The following BRIP1 variants were observed in gnomAD, a reference collection of about 807,000 sequenced individuals.
BRIP1 encodes the protein Fanconi anemia group J protein.
In BRIP1, 88 loss-of-function variants were observed where a neutral mutation model predicts 119.7. The observed-to-expected ratio is 0.74, with a 90% CI of 0.62 to 0.88. BRIP1 has a LOEUF of 0.88. BRIP1 is among the 40% of genes least tolerant of loss of function. BRIP1 has a pLI of 0.00. For missense variants in BRIP1, 1,259 were observed against 1,455.4 expected, an observed-to-expected ratio of 0.87 and a Z score of 2.20; for synonymous variants, 443 against 496.5, an observed-to-expected ratio of 0.89 and a Z score of 1.43.
chr17:61,811,355 C>T (rs2078158770), intron 6 of BRIP1, among the ~76,000 whole-genome samples: 1 of 151,874 alleles, frequency 6.6e-6, no homozygotes, highest in Non-Finnish European at 1.5e-5. Context: ...TCCCAAGTAG[C>T]TGCGATTACA....
At chr17:61,837,450 C>T (rs2078591646) in intron 6 of BRIP1, among the ~76,000 whole-genome samples, 1 of 151,712 alleles carries the variant, frequency 6.6e-6, no homozygotes, top group Non-Finnish European at 1.5e-5. Flanking sequence ...ACACCAGGCC[C>T]AAGTTATGAA....
chr17:61,772,820 G>GAAAAAAAAAAAAAAAAAA (rs71355193), intron 14 of BRIP1, among the ~76,000 whole-genome samples: 1 of 53,538 alleles, frequency 1.9e-5, no homozygotes, highest in Non-Finnish European at 3.3e-5. Context: ...TTCCATCTCA[G>GAAAAAAAAAAAAAAAAAA]AAAAAAAAAA....
intron 10 of BRIP1, among the ~76,000 whole-genome samples, chr17:61,785,928 T>G (rs200919790): frequency 6.6e-6 from 1 of 151,146 alleles, no homozygotes; most frequent in African/African-American, 2.4e-5. Context: ...GCAGCTGGGT[T>G]GGGGGGGGTA....
At position 61,745,381 on chromosome 17, in the gene BRIP1, A is replaced by T. The variant is rs2144710832; in HGVS notation, c.2098-790T>A. ...AACAAAAACTCATCTTGATTGATTG[A>T]TTGATTTTAGAGACAGGGTCTCTGT... is the stretch of plus-strand genomic sequence containing the variant. On this transcript the variant is annotated intron_variant, in intron 14 of 19. Coordinates refer to ENST00000259008, the MANE Select transcript of BRIP1 (RefSeq NM_032043.3). This position sits in a 1 kb window ranked among gnomAD's most constrained non-coding sequence, Gnocchi z 4.4. Among the ~76,000 whole-genome samples the T allele has an allele frequency of 6.6e-6, 1 of 152,290 alleles. No homozygotes were observed. Among genetic ancestry groups the T allele is most frequent in the Middle Eastern group, 3.4e-3 (1 of 294 alleles).
At position 61,862,690 on chromosome 17, in the gene BRIP1, G is replaced by C. The variant is rs1367177976; in HGVS notation, c.-31+594C>G. On this transcript the variant is annotated intron_variant, in intron 1 of 19. Transcript: ENST00000259008. This position sits in a 1 kb window ranked among gnomAD's most constrained non-coding sequence, Gnocchi z 5.3. Reference sequence around the variant, plus strand: ...AATAGCGGGGGAAATTACATGCACTGTTATTAAATAAGGAATTATTTGCAG... The same window carrying C: ...AATAGCGGGGGAAATTACATGCACTCTTATTAAATAAGGAATTATTTGCAG... Among the ~76,000 whole-genome samples the C allele has an allele frequency of 6.6e-6, 1 of 152,200 alleles. No homozygotes were observed. Among genetic ancestry groups the C allele is most frequent in the Non-Finnish European group, 1.5e-5 (1 of 68,036 alleles).
rs2078393076 is a variant in BRIP1 at position 61,825,543 on chromosome 17, A to C, written c.628-16786T>G. On this transcript the variant is annotated intron_variant, in intron 6 of 19. Transcript: ENST00000259008. This position sits in a 1 kb window ranked among gnomAD's most constrained non-coding sequence, Gnocchi z 4.1. ...GTCAGGATACTAAATCAATATGCAA[A>C]ATTTACTGACATTCCAATTCACCAT... Among the ~76,000 whole-genome samples the C allele has an allele frequency of 6.6e-6, 1 of 151,692 alleles. No individual in the cohort carries two copies. The highest frequency in any genetic ancestry group is 1.5e-5 in the Non-Finnish European group (1 of 67,962).
chr17:61,684,344 A>G lies in BRIP1; in HGVS notation c.2906-204T>C, dbSNP rs959101575. On this transcript the variant is annotated intron_variant, in intron 19 of 19. Transcript: ENST00000259008. The surrounding 1 kb of genome is among the most constrained non-coding windows in gnomAD (Gnocchi z 4.5). ...TTAGGTCTCTAATGTTTCCTAGCCCAAGTTATAATGCTGTCTGGTAAACTA... is the reference window on the plus strand; with the variant it reads ...TTAGGTCTCTAATGTTTCCTAGCCCGAGTTATAATGCTGTCTGGTAAACTA... Among the ~76,000 whole-genome samples, 1 of 152,198 alleles carries G rather than the reference A, an allele frequency of 6.6e-6. No homozygotes were observed. Among genetic ancestry groups the G allele is most frequent in the African/African-American group, 2.4e-5 (1 of 41,452 alleles).
intron 6 of BRIP1, among the ~76,000 whole-genome samples, chr17:61,838,604 A>G (rs1352729926): frequency 1.3e-5 from 2 of 151,480 alleles, no homozygotes; most frequent in African/African-American, 4.8e-5. Context: ...GCATCATTAA[A>G]TCTAGTCTCC....
intron 17 of BRIP1, among the ~76,000 whole-genome samples, chr17:61,702,210 C>A (rs939941649): frequency 3.9e-5 from 6 of 152,108 alleles, no homozygotes; most frequent in African/African-American, 1.4e-4. Flanking sequence ...CTGTTGAGGA[C>A]ATCTTCATCT....
chr17:61,784,337 C>T lies in BRIP1; in HGVS notation c.1561G>A (p.Ala521Thr), dbSNP rs913184257. Reference protein sequence around the residue: ...EEAREVPVISASTQIMLKGLF... With the variant: ...EEAREVPVISTSTQIMLKGLF... ...CCTTTAAGCATTATTTGAGTTGATG[C>T]ACTAATAACAGGTACTTCTCTTGCC... is the stretch of plus-strand genomic sequence containing the variant. The change falls in exon 11 of 20, where the codon GCA (alanine) becomes ACA (threonine). Residue 521 changes from alanine to threonine, a missense_variant. Transcript: ENST00000259008. 7 of 1,612,902 alleles carry T rather than the reference C, an allele frequency of 4.3e-6. No individual in the cohort carries two copies. The highest frequency in any genetic ancestry group is 5.9e-6 in the Non-Finnish European group (7 of 1,179,046).
chr17:61,737,655 C>A (rs189962423), intron 16 of BRIP1, among the ~76,000 whole-genome samples: 1 of 152,132 alleles, frequency 6.6e-6, no homozygotes, highest in Non-Finnish European at 1.5e-5. Context: ...CATAATGATG[C>A]TCTGACATAT....
At position 61,776,566 on chromosome 17, in the gene BRIP1, G is replaced by A. The variant is rs587780552; in HGVS notation, c.1936-4C>T. ...ACCCAATGGTACCAACCCAAACCTA[G>A]AATATGAATATGTCATTATTAGAGT... is the stretch of plus-strand genomic sequence containing the variant. On this transcript the variant is annotated splice_polypyrimidine_tract_variant and splice_region_variant and intron_variant, in intron 13 of 19. Transcript: ENST00000259008. This position sits in a 1 kb window ranked among gnomAD's most constrained non-coding sequence, Gnocchi z 5.0. The A allele has an allele frequency of 1.7e-5, 27 of 1,613,274 alleles. No individual in the cohort carries two copies. Among genetic ancestry groups the A allele is most frequent in the African/African-American group, 1.2e-4 (9 of 74,862 alleles).
chr17:61,726,593 CT>C lies in BRIP1; in HGVS notation c.2380-10531del, dbSNP rs1181842206. On this transcript the variant is annotated intron_variant, in intron 16 of 19. Transcript: ENST00000259008. This position sits in a 1 kb window ranked among gnomAD's most constrained non-coding sequence, Gnocchi z 6.2. ...ACTTAAAAAGTAAGTTTCTTGGGTTCTTGGAGTGGCTACTTTTTCATCAAGT... is the reference window on the plus strand; with the variant it reads ...ACTTAAAAAGTAAGTTTCTTGGGTTCTGGAGTGGCTACTTTTTCATCAAGT... 6.6e-6 allele frequency among the ~76,000 whole-genome samples: 1 copy of C among 152,178 alleles called. No individual in the cohort carries two copies. Among genetic ancestry groups the C allele is most frequent in the African/African-American group, 2.4e-5 (1 of 41,438 alleles).
rs1409317617 is a variant in BRIP1 at position 61,725,053 on chromosome 17, T to A, written c.2380-8990A>T. On this transcript the variant is annotated intron_variant, in intron 16 of 19. Transcript: ENST00000259008. This position sits in a 1 kb window ranked among gnomAD's most constrained non-coding sequence, Gnocchi z 5.3. Reference sequence around the variant, plus strand: ...TTGTATGTGATATAATTTAGCTAGATTAAAAAGAATATAGCTGGTTTTATT... The same window carrying A: ...TTGTATGTGATATAATTTAGCTAGAATAAAAAGAATATAGCTGGTTTTATT... Among the ~76,000 whole-genome samples the A allele has an allele frequency of 6.6e-6, 1 of 152,152 alleles. No homozygotes were observed. The highest frequency in any genetic ancestry group is 1.5e-5 in the Non-Finnish European group (1 of 68,008).
rs1310861578 is a variant in BRIP1 at position 61,744,463 on chromosome 17, G to GTAC, written c.2223_2225dup (p.Val741_Tyr742insTer). 3.1e-6 allele frequency: 5 copies of GTAC among 1,613,774 alleles called. No homozygotes were observed. The highest frequency in any genetic ancestry group is 4.2e-6 in the Non-Finnish European group (5 of 1,179,896). On this transcript the variant is annotated stop_gained, in exon 15 of 20. Transcript: ENST00000259008. LOFTEE classifies it high-confidence loss of function. The surrounding 1 kb of genome is among the most constrained non-coding windows in gnomAD (Gnocchi z 5.0). ...CTCCTTTGTATTTGATTGCGTCATA[G>GTAC]TACACCTGCAGTAATTCATCAAAAT...
At chr17:61,849,288 A>G (rs2145767841) in intron 4 of BRIP1, 32 bp from the exon 5 acceptor site, 1 of 1,596,092 alleles carries the variant, frequency 6.3e-7, no homozygotes, top group South Asian at 1.1e-5. Context: ...AAACAGCATA[A>G]ATAACTTACA....
chr17:61,731,386 C>T (rs2144570131), intron 16 of BRIP1, among the ~76,000 whole-genome samples: 1 of 152,286 alleles, frequency 6.6e-6, no homozygotes, highest in East Asian at 1.9e-4. Flanking sequence ...CAGAAGTCCA[C>T]TCCACTCTGA....
Position 61,683,347 on chromosome 17 carries a change from G to T in BRIP1, c.3699C>A (p.Asn1233Lys), listed in dbSNP as rs1060501734. Residue 1233 changes from asparagine (N) to lysine (K), a missense_variant, in exon 20 of 20, where the codon AAC becomes AAA. Asn to Lys is a moderately conservative substitution (Grantham distance 94). Coordinates refer to ENST00000259008, the MANE Select transcript of BRIP1 (RefSeq NM_032043.3). This position sits in a 1 kb window ranked among gnomAD's most constrained non-coding sequence, Gnocchi z 4.7. ...LGKTHEIEIK[N>K]FKPSPSKNKG... ...TATTTTTGGAAGGAGATGGTTTAAA[G>T]TTCTTTATTTCTATTTCATGAGTTT... 3.7e-6 allele frequency: 6 copies of T among 1,611,586 alleles called. No homozygotes were observed. In the East Asian group the frequency reaches 6.7e-5, roughly 18 times the overall value.
In BRIP1 at chr17:61,746,581, A is replaced by G. The variant is rs886804414; in HGVS notation, c.2098-1990T>C. On this transcript the variant is annotated intron_variant, in intron 14 of 19. Coordinates refer to ENST00000259008, the MANE Select transcript of BRIP1 (RefSeq NM_032043.3). The surrounding 1 kb of genome is among the most constrained non-coding windows in gnomAD (Gnocchi z 4.9). Reference sequence around the variant, plus strand: ...TAGATTCTAAGTCAAAAATTGTCACAAGAGACAAAAAAAAAGGACATTATA... The same window carrying G: ...TAGATTCTAAGTCAAAAATTGTCACGAGAGACAAAAAAAAAGGACATTATA... 4.3e-5 allele frequency among the ~76,000 whole-genome samples: 3 copies of G among 69,886 alleles called. No individual in the cohort carries two copies. Among genetic ancestry groups the G allele is most frequent in the African/African-American group, 1.4e-4 (3 of 21,194 alleles). 45.8% of individuals were successfully genotyped at this position (69,886 alleles called of 152,430 possible).
Sources: gnomAD v4.1 joint callset for allele counts (sites outside exome capture counted in the v4.1 genomes callset) on GRCh38, gnomAD v4.1.1 for gene constraint, Gnocchi (gnomAD v3.1) non-coding constraint, MANE v1.5 for transcripts, NCBI Gene and HGNC (gene_info 2026-07-23, HGNC 2026-07-21) for gene names.